The following NR2C2 variants were observed in gnomAD, a reference collection of about 807,000 sequenced individuals.
The protein encoded by NR2C2 is nuclear receptor subfamily 2 group C member 2.
In NR2C2, 6 loss-of-function variants were observed where a neutral mutation model predicts 62.9. The ratio of observed to expected loss-of-function variants is 0.10; its 90% CI spans 0.05 to 0.19. NR2C2 has a LOEUF of 0.19. Ranked by LOEUF, NR2C2 falls within the 10% of genes least tolerant of loss-of-function variation. The probability of loss-of-function intolerance (pLI) is 1.00; values close to 1 mark genes in which losing one functional copy is unlikely to be tolerated. For synonymous variants in NR2C2, 272 were observed against 273.8 expected (o/e 0.99, Z 0.07); for missense variants, 479 against 762.7 (o/e 0.63, Z 4.38).
intron 1 of NR2C2, among the ~76,000 whole-genome samples, chr3:14,972,151 CTCTTTTTTTTTTCTTTTTCTT>C (rs2040060952): frequency 6.8e-6 from 1 of 147,610 alleles, no homozygotes; most frequent in Non-Finnish European, 1.5e-5. Context: ...CTCATTCTCT[CTCTTTTTTTTTTCTTTTTCTT>C]TCTTTTTTTT....
At position 15,034,790 on chromosome 3, in the gene NR2C2, G is replaced by T; in HGVS notation, c.1353G>T (p.Leu451=). Reference sequence around the variant, plus strand: ...TCCTGGCTGCCATTGTCAACCACCTGCAGAACAGCATCCAGGAAGGTAGGG... The same window carrying T: ...TCCTGGCTGCCATTGTCAACCACCTTCAGAACAGCATCCAGGAAGGTAGGG... The part of the protein sequence containing the change: ...STILAAIVNH[L]QNSIQEDKLS... Residue 451 remains leucine (L), a synonymous_variant, in exon 11 of 14, where the codon CTG becomes CTT. Transcript: ENST00000425241. 2 of 1,613,350 alleles carry T rather than the reference G, an allele frequency of 1.2e-6. No homozygotes were observed. Among genetic ancestry groups the T allele is most frequent in the Non-Finnish European group, 1.7e-6 (2 of 1,179,666 alleles).
rs2042351116 is a variant in NR2C2 at position 15,043,676 on chromosome 3, G to A, written c.*668G>A. On this transcript the variant is annotated 3_prime_UTR_variant, in exon 14 of 14. Coordinates refer to ENST00000425241, the MANE Select transcript of NR2C2 (RefSeq NM_001291694.2). ...GCATCATGCAGTAAGTGGGAGTGTG[G>A]TAGCACAGTCGGTGGTGACCCAGTT... The A allele has an allele frequency of 6.6e-6, 1 of 152,458 alleles. No individual in the cohort carries two copies. The highest frequency in any genetic ancestry group is 2.4e-5 in the African/African-American group (1 of 41,448). The allele number at this position is 152,458 out of a possible 1,614,324, so 9.4% of individuals were successfully genotyped here.
chr3:15,002,645 CTTTTTTTTTTTTTTTTTTTTTTTTTTT>C (rs371981775), intron 1 of NR2C2, among the ~76,000 whole-genome samples: 1 of 39,484 alleles, frequency 2.5e-5, no homozygotes, highest in Non-Finnish European at 4.7e-5. Flanking sequence ...TCACAATATA[CTTTTTTTTTTTTTTTTTTTTTTTTTTT>C]TTTGAGACAA....
chr3:14,955,597 T>G (rs545128599), intron 1 of NR2C2, among the ~76,000 whole-genome samples: 1 of 152,348 alleles, frequency 6.6e-6, no homozygotes, highest in Admixed American at 6.5e-5. Context: ...TTACAAGTGC[T>G]GAGTCTCAGT....
chr3:14,981,282 T>C (rs1574957502), intron 1 of NR2C2, among the ~76,000 whole-genome samples: 1 of 152,062 alleles, frequency 6.6e-6, no homozygotes, highest in East Asian at 1.9e-4. Context: ...GACCGGACAA[T>C]ATGGTGAAAC....
chr3:15,013,607 A>G lies in NR2C2; in HGVS notation c.91A>G (p.Thr31Ala), dbSNP rs1182622355. The change falls in exon 3 of 14, where the codon ACA becomes GCA. Residue 31 changes from threonine to alanine, a missense_variant. Around this residue, in one of 4 missense-constraint regions of NR2C2, gnomAD observed 115 missense variants for 152.3 expected, o/e 0.76. Transcript: ENST00000425241. ...CTTATAGATTGTCACAGACCAGCAG[A>G]CAGGACAGAAAATCCAGATAGTCAC... The part of the protein sequence containing the change: ...QRIQIVTDQQ[T>A]GQKIQIVTAV... The G allele has an allele frequency of 6.2e-7, 1 of 1,614,042 alleles. No homozygotes were observed. Among genetic ancestry groups the G allele is most frequent in the African/African-American group, 1.3e-5 (1 of 74,924 alleles).
At chr3:15,034,156 C>A (rs2042047733) in intron 10 of NR2C2, among the ~76,000 whole-genome samples, 2 of 152,242 alleles carry the variant, frequency 1.3e-5, no homozygotes, top group Non-Finnish European at 2.9e-5. Flanking sequence ...TTAGCCAGGG[C>A]AAGGCTGGAA....
At chr3:15,040,164 A>C (rs2042215996) in intron 13 of NR2C2, among the ~76,000 whole-genome samples, 1 of 146,444 alleles carries the variant, frequency 6.8e-6, no homozygotes, top group Non-Finnish European at 1.5e-5. Context: ...CTTCTCAAAA[A>C]ACAAAAAAAA....
rs755377130 is a variant in NR2C2 at position 14,974,948 on chromosome 3, T to C, written c.-40+27042T>C. Reference sequence around the variant, plus strand: ...AGTGTATACTTAAATGTTTTAAGAATTTTGCTTCCTTGGTTAAATTTAATC... The same window carrying C: ...AGTGTATACTTAAATGTTTTAAGAACTTTGCTTCCTTGGTTAAATTTAATC... On this transcript the variant is annotated intron_variant, in intron 1 of 13. Coordinates refer to ENST00000425241, the MANE Select transcript of NR2C2 (RefSeq NM_001291694.2). 5.9e-5 allele frequency among the ~76,000 whole-genome samples: 9 copies of C among 152,306 alleles called. No individual in the cohort carries two copies. The Middle Eastern group carries it at 0.014, about 230-fold the overall frequency.
intron 1 of NR2C2, among the ~76,000 whole-genome samples, chr3:14,984,292 G>A (rs2040455601): frequency 6.6e-6 from 1 of 152,122 alleles, no homozygotes; most frequent in South Asian, 2.1e-4. Context: ...TTTCACCAGA[G>A]TTGTTTTATC....
At chr3:14,992,525 A>G (rs922954582) in intron 1 of NR2C2, among the ~76,000 whole-genome samples, 1 of 152,156 alleles carries the variant, frequency 6.6e-6, no homozygotes, top group African/African-American at 2.4e-5. Flanking sequence ...TTGTGGGCCT[A>G]ATATGTGCCT....
chr3:14,954,118 G>A (rs1222785263), intron 1 of NR2C2, among the ~76,000 whole-genome samples: 2 of 152,082 alleles, frequency 1.3e-5, no homozygotes, highest in African/African-American at 4.8e-5. Flanking sequence ...AGGTTGATAA[G>A]ATGACTAACC....
chr3:15,034,604 G>A lies in NR2C2; in HGVS notation c.1233-66G>A. ...TGGGAAATGCTGGGACTTAGTGCCT[G>A]GATGCCCCACAACCTTGGAGAAATG... is the stretch of plus-strand genomic sequence containing the variant. On this transcript the variant is annotated intron_variant, in intron 10 of 13. Coordinates refer to ENST00000425241, the MANE Select transcript of NR2C2 (RefSeq NM_001291694.2). The A allele has an allele frequency of 1.9e-6, 3 of 1,546,318 alleles. No homozygotes were observed. In the Admixed American group the frequency reaches 5.4e-5, roughly 28 times the overall value.
At chr3:14,960,191 G>GC (rs774388431) in intron 1 of NR2C2, among the ~76,000 whole-genome samples, 8 of 152,288 alleles carry the variant, frequency 5.3e-5, no homozygotes, top group Non-Finnish European at 1.2e-4. Context: ...GATAAATTTA[G>GC]CCTTATTAAA....
chr3:14,951,754 G>GTT (rs146614442), intron 1 of NR2C2, among the ~76,000 whole-genome samples: 16 of 150,420 alleles, frequency 1.1e-4, no homozygotes, highest in African/African-American at 3.9e-4. Context: ...TTTTTTGTGT[G>GTT]TTTTTTTTTG....
chr3:15,000,976 G>A (rs1301369020), intron 1 of NR2C2, among the ~76,000 whole-genome samples: 4 of 151,650 alleles, frequency 2.6e-5, no homozygotes, highest in African/African-American at 9.7e-5. Context: ...CACCACGCCC[G>A]GCTAATTTTT....
At chr3:14,977,083 T>C (rs2040228550) in intron 1 of NR2C2, among the ~76,000 whole-genome samples, 1 of 152,214 alleles carries the variant, frequency 6.6e-6, no homozygotes, top group African/African-American at 2.4e-5. Context: ...TTTTTTCTAG[T>C]CTCTTTTCAG....
intron 11 of NR2C2, 114 bp downstream of exon 11, chr3:15,034,923 G>C: frequency 1.8e-6 from 2 of 1,123,474 alleles, no homozygotes; most frequent in Non-Finnish European, 2.5e-6. Context: ...GTTGACCCAG[G>C]CTGGCAACAT....
At chr3:14,969,901 G>A (rs1369034165) in intron 1 of NR2C2, among the ~76,000 whole-genome samples, 1 of 152,150 alleles carries the variant, frequency 6.6e-6, no homozygotes, top group East Asian at 1.9e-4. Flanking sequence ...CCCAGTTGTT[G>A]AACAAAATGC....
Sources: allele counts gnomAD v4.1 joint callset (sites outside exome capture counted in the v4.1 genomes callset), GRCh38; gene constraint gnomAD v4.1.1; regional missense constraint gnomAD v4.1.1; transcripts MANE v1.5; gene names NCBI Gene and HGNC (gene_info 2026-07-23, HGNC 2026-07-21).